Variants in CACNG6 observed in about 807,000 individuals in gnomAD.
CACNG6 encodes the protein voltage-dependent calcium channel gamma-6 subunit.
A neutral mutation model predicts 23.9 loss-of-function variants in CACNG6; 21 were observed. The ratio of observed to expected loss-of-function variants is 0.88; its 90% CI spans 0.62 to 1.26. CACNG6 has a LOEUF of 1.26. Ranked by LOEUF, CACNG6 falls within the 50% of genes most tolerant of loss-of-function variation. The pLI is 0.00. For missense variants in CACNG6, 340 were observed against 352.9 expected, an observed-to-expected ratio of 0.96 and a Z score of 0.29; for synonymous variants, 182 against 168.9, an observed-to-expected ratio of 1.08 and a Z score of -0.60.
In CACNG6 at chr19:53,992,177, C is replaced by T. The variant is rs1258374546; in HGVS notation, c.-701C>T. On this transcript the variant is annotated 5_prime_UTR_variant, in exon 1 of 4. Coordinates refer to ENST00000252729, the MANE Select transcript of CACNG6 (RefSeq NM_145814.2). This position sits in a 1 kb window ranked among gnomAD's most constrained non-coding sequence, Gnocchi z 4.1. ...CAGCCAGGGCTCTGTTCTTCTCCTT[C>T]TGTGGATGCCGGGGTCCTACTGCCT... The T allele has an allele frequency of 2.0e-5, 3 of 152,330 alleles. No individual in the cohort carries two copies. The highest frequency in any genetic ancestry group is 7.2e-5 in the African/African-American group (3 of 41,472). The allele number at this position is 152,330 out of a possible 1,614,324, so 9.4% of individuals were successfully genotyped here.
At chr19:54,005,024 C>A (rs1377392713) in intron 3 of CACNG6, among the ~76,000 whole-genome samples, 3 of 147,574 alleles carry the variant, frequency 2.0e-5, no homozygotes, top group African/African-American at 7.5e-5. Flanking sequence ...AGCCTGACTA[C>A]CATGGTGAAA....
At chr19:54,002,449 T>TTCCCTTCCTCTC (rs1230957305) in intron 3 of CACNG6, among the ~76,000 whole-genome samples, 1 of 151,124 alleles carries the variant, frequency 6.6e-6, no homozygotes, top group African/African-American at 2.4e-5. Context: ...TCCACCCTCT[T>TTCCCTTCCTCTC]TCCCTTCCTC....
chr19:53,996,185 AC>A (rs2069519228), intron 1 of CACNG6, among the ~76,000 whole-genome samples: 1 of 151,492 alleles, frequency 6.6e-6, no homozygotes, highest in African/African-American at 2.4e-5. Flanking sequence ...TATGGCCTTT[AC>A]TCCTGTTATT....
In CACNG6 at chr19:53,993,130, A is replaced by T. The variant is rs1052032776; in HGVS notation, c.253A>T (p.Lys85Ter). Residue 85 changes from lysine (K) to a stop codon, truncating the protein, a stop_gained, in exon 1 of 4, where the codon AAG becomes TAG. Transcript: ENST00000252729. LOFTEE classifies it high-confidence loss of function. Reference protein sequence around the residue: ...VCEAAHLGLWKACTKRLWQAD... With the variant: ...VCEAAHLGLW ...CGAAGCGGCCCACCTGGGGCTGTGG[A>T]AGGCGTGCACCAAGCGGCTGTGGCA... 3 of 1,547,918 alleles carry T rather than the reference A, an allele frequency of 1.9e-6. No homozygotes were observed. Among genetic ancestry groups the T allele is most frequent in the African/African-American group, 1.4e-5 (1 of 72,902 alleles).
chr19:54,005,210 A>AAATAAAT (rs2069627602), intron 3 of CACNG6, among the ~76,000 whole-genome samples: 219 of 132,840 alleles, frequency 1.6e-3, no homozygotes, highest in African/African-American at 5.5e-3. Context: ...CTCCATCTCA[A>AAATAAAT]AAATAAATAA....
At position 54,012,393 on chromosome 19, in the gene CACNG6, TG is replaced by T. The variant is rs1397915240; in HGVS notation, c.*209del. ...TCTCTGTGGCTGTATGTGGGTTGCT[TG>T]GGGGTGGGATGGGAAGAGGCTCTTT... On this transcript the variant is annotated 3_prime_UTR_variant, in exon 4 of 4. Transcript: ENST00000252729. 37 of 233,374 alleles carry T rather than the reference TG, an allele frequency of 1.6e-4. No homozygotes were observed. Among genetic ancestry groups the T allele is most frequent in the African/African-American group, 9.0e-4 (35 of 38,814 alleles). 14.5% of individuals were successfully genotyped at this position (233,374 alleles called of 1,614,324 possible).
chr19:54,008,511 C>T (rs1283747368), intron 3 of CACNG6, among the ~76,000 whole-genome samples: 3 of 152,190 alleles, frequency 2.0e-5, no homozygotes, highest in African/African-American at 7.2e-5. Context: ...GACTCTCAGA[C>T]GGTCCTGCAT....
chr19:53,995,666 C>T (rs1302503173), intron 1 of CACNG6, among the ~76,000 whole-genome samples: 2 of 152,200 alleles, frequency 1.3e-5, no homozygotes, highest in Non-Finnish European at 2.9e-5. Flanking sequence ...GCACCCTTTA[C>T]CTCTTTTTCT....
rs201774159 is a variant in CACNG6 at position 53,998,205 on chromosome 19, C to T, written c.332-34C>T. On this transcript the variant is annotated intron_variant, in intron 1 of 3. Coordinates refer to ENST00000252729, the MANE Select transcript of CACNG6 (RefSeq NM_145814.2). ...TGAGCTTACGCAAGGGACCTCACAT[C>T]CTCATGTCTGTTTTCTCTCTCCTGC... The T allele has an allele frequency of 2.7e-3, 4,385 of 1,594,730 alleles. 6 individuals are homozygous for T. The highest frequency in any genetic ancestry group is 3.6e-3 in the Non-Finnish European group (4,151 of 1,162,764).
intron 2 of CACNG6, among the ~76,000 whole-genome samples, chr19:53,998,656 C>T (rs186918324): frequency 6.8e-4 from 103 of 152,100 alleles, no homozygotes; most frequent in African/African-American, 2.0e-3. Context: ...AGACTATAGG[C>T]GCCCACCATC....
At chr19:54,009,598 C>G (rs750887022) in intron 3 of CACNG6, among the ~76,000 whole-genome samples, 6 of 152,118 alleles carry the variant, frequency 3.9e-5, no homozygotes, top group Non-Finnish European at 8.8e-5. Flanking sequence ...CAGCTGGCTT[C>G]TGCCATCATT....
Position 54,012,045 on chromosome 19 carries a change from C to G in CACNG6, c.639C>G (p.Leu213=). The change falls in exon 4 of 4, where the codon CTC becomes CTG. Residue 213 remains leucine (L), a synonymous_variant. Coordinates refer to ENST00000252729, the MANE Select transcript of CACNG6 (RefSeq NM_145814.2). ...CGGAGCCTCCCCCGGCCCCACGCCT[C>G]ACCTACGAGTACTCCTGGTCCCTGG... ...VSPEPPPAPR[L]TYEYSWSLGC... The G allele has an allele frequency of 1.2e-6, 2 of 1,607,148 alleles. No homozygotes were observed. The highest frequency in any genetic ancestry group is 1.7e-6 in the Non-Finnish European group (2 of 1,177,394).
Position 53,991,659 on chromosome 19 carries a change from C to A in CACNG6, c.-1219C>A. 6.6e-6 allele frequency among the ~76,000 whole-genome samples: 1 copy of A among 151,882 alleles called. No individual in the cohort carries two copies. Among genetic ancestry groups the A allele is most frequent in the Non-Finnish European group, 1.5e-5 (1 of 67,888 alleles). On this transcript the variant is annotated 5_prime_UTR_variant, in exon 1 of 4. Coordinates refer to ENST00000252729, the MANE Select transcript of CACNG6 (RefSeq NM_145814.2). ...GCCAGGCCGGTGGCGGTGGCGGGCA[C>A]AGCCGGACGCTTCGGAGGCAGCGCG...
At chr19:54,005,222 T>C (rs1266411305) in intron 3 of CACNG6, among the ~76,000 whole-genome samples, 2 of 92,814 alleles carry the variant, frequency 2.2e-5, no homozygotes, top group Admixed American at 1.1e-4. Flanking sequence ...AATAAATAAA[T>C]AAATAAATAA....
At position 53,993,213 on chromosome 19, in the gene CACNG6, G is replaced by A. The variant is rs1425680203; in HGVS notation, c.331+5G>A. On this transcript the variant is annotated splice_donor_5th_base_variant and intron_variant, in intron 1 of 3. Coordinates refer to ENST00000252729, the MANE Select transcript of CACNG6 (RefSeq NM_145814.2). ...GCCCCGCGGAGCTGCCCGGAGGTGAGCAGCCGCCGCCCCGAGCGCAGGGCT... is the reference window on the plus strand; with the variant it reads ...GCCCCGCGGAGCTGCCCGGAGGTGAACAGCCGCCGCCCCGAGCGCAGGGCT... The A allele has an allele frequency of 6.5e-7, 1 of 1,534,300 alleles. No individual in the cohort carries two copies. The highest frequency in any genetic ancestry group is 8.7e-7 in the Non-Finnish European group (1 of 1,143,858).
At chr19:54,011,834 G>A in intron 3 of CACNG6, 117 bp from the exon 4 acceptor site, 1 of 520,044 alleles carries the variant, frequency 1.9e-6, no homozygotes, top group Non-Finnish European at 3.1e-6. Context: ...AGTATTTGTT[G>A]AGTGCACGCG....
At chr19:54,011,190 T>TAAAAAAAAAAAAAAAAAAAAAAAAAAAA in intron 3 of CACNG6, among the ~76,000 whole-genome samples, 1 of 59,218 alleles carries the variant, frequency 1.7e-5, no homozygotes, top group South Asian at 6.2e-4. Context: ...CCGTCTCTAC[T>TAAAAAAAAAAAAAAAAAAAAAAAAAAAA]AAAAAAAAAA....
chr19:53,993,255 G>T (rs1276791474), intron 1 of CACNG6, 47 bp downstream of exon 1: 1 of 1,493,784 alleles, frequency 6.7e-7, no homozygotes, highest in South Asian at 1.3e-5. Flanking sequence ...CCACGGACAG[G>T]GAGGGAGAGG....
In CACNG6 at chr19:54,012,148, T is replaced by C; in HGVS notation, c.742T>C (p.Trp248Arg). 1.3e-6 allele frequency: 2 copies of C among 1,517,120 alleles called. No homozygotes were observed. Among genetic ancestry groups the C allele is most frequent in the Non-Finnish European group, 1.8e-6 (2 of 1,132,032 alleles). The allele number at this position is 1,517,120 out of a possible 1,614,324, so 94.0% of individuals were successfully genotyped here. Reference sequence around the variant, plus strand: ...GCTGCTCACACTGCCTTCCTGGCCCTGGGGGTCCCTCTGTCCCAAGCGGGG... The same window carrying C: ...GCTGCTCACACTGCCTTCCTGGCCCCGGGGGTCCCTCTGTCCCAAGCGGGG... ...FLLLTLPSWP[W>R]GSLCPKRGHR... Residue 248 changes from tryptophan (W) to arginine (R), a missense_variant, in exon 4 of 4, where the codon TGG (tryptophan) becomes CGG (arginine). Trp to Arg is a moderately radical substitution (Grantham distance 101). Transcript: ENST00000252729.
Sources: allele counts gnomAD v4.1 joint callset (sites outside exome capture counted in the v4.1 genomes callset), GRCh38; gene constraint gnomAD v4.1.1; non-coding constraint Gnocchi (gnomAD v3.1); transcripts MANE v1.5; gene names NCBI Gene and HGNC (gene_info 2026-07-23, HGNC 2026-07-21).